The following KRT26 variants were observed in gnomAD, a reference collection of about 807,000 sequenced individuals.
KRT26 encodes keratin 26, also known as keratin, type I cytoskeletal 26.
KRT26 carries 45 observed loss-of-function variants against 46.1 expected under a neutral mutation model. The ratio of observed to expected loss-of-function variants is 0.98; its 90% CI spans 0.77 to 1.25. KRT26 has a LOEUF of 1.25. Among genes scored for constraint, KRT26 ranks in the 50% most tolerant of loss-of-function variants. KRT26 has a pLI of 0.00. For synonymous variants in KRT26, 191 were observed against 209.9 expected, an observed-to-expected ratio of 0.91 and a Z score of 0.78; for missense variants, 582 against 560.1, an observed-to-expected ratio of 1.04 and a Z score of -0.39.
Position 40,768,874 on chromosome 17 carries a change from T to A in KRT26, c.1187+5A>T. 6.9e-7 allele frequency: 1 copy of A among 1,447,422 alleles called. No homozygotes were observed. Among genetic ancestry groups the A allele is most frequent in the Non-Finnish European group, 9.5e-7 (1 of 1,047,638 alleles). 89.7% of individuals were successfully genotyped at this position (1,447,422 alleles called of 1,614,324 possible). A position where few individuals can be genotyped will look rare whatever the true frequency, so the allele number is the denominator to read the frequency against. On this transcript the variant is annotated splice_donor_5th_base_variant and intron_variant, in intron 6 of 7. Coordinates refer to ENST00000335552, the Ensembl canonical transcript of KRT26. ...TTTTTTTTTTTTTTGCAAGTTAATC[T>A]TTACCTTTCTTCTCCATCTAGTAAG...
intron 7 of KRT26, 29 bp from the exon 8 acceptor site, chr17:40,766,695 G>A (rs759951349): frequency 1.3e-6 from 2 of 1,548,814 alleles, no homozygotes. Context: ...AACATTAGTG[G>A]TCATTTTTTA....
chr17:40,767,708 T>C (rs747373604), intron 6 of KRT26, 55 bp from the exon 7 acceptor site: 1 of 864,118 alleles, frequency 1.2e-6, no homozygotes, highest in Non-Finnish European at 1.9e-6. Context: ...AGTGAGCTTA[T>C]AAATACCTCT....
exon 2 of KRT26, chr17:40,771,212 C>T (rs200028431): frequency 5.6e-6 from 9 of 1,606,026 alleles, no homozygotes; most frequent in Non-Finnish European, 7.7e-6. Flanking sequence ...ACAATGCTGG[C>T]ATTGCAGATG....
At chr17:40,766,886 C>G (rs1393964872) in intron 7 of KRT26, among the ~76,000 whole-genome samples, 2 of 151,990 alleles carry the variant, frequency 1.3e-5, no homozygotes, top group Non-Finnish European at 2.9e-5. Flanking sequence ...ATTACAGATG[C>G]CTGCTACAAT....
exon 4 of KRT26, chr17:40,770,090 C>G: frequency 6.2e-7 from 1 of 1,614,088 alleles, no homozygotes; most frequent in Non-Finnish European, 8.5e-7. Context: ...CGTTCACGTT[C>G]CCCCCAGCTG....
At chr17:40,769,728 T>G (rs1214733426) in intron 5 of KRT26, 26 bp downstream of exon 5, 1 of 1,612,922 alleles carries the variant, frequency 6.2e-7, no homozygotes, top group African/African-American at 1.3e-5. Flanking sequence ...ACACATATAT[T>G]CAATTCAATG....
rs761145554 is a variant in KRT26 at position 40,772,124 on chromosome 17, C to G, written c.-11G>C. ...AAGTCGAAAAGACATGGTGGCAGCA[C>G]AGCCGGGCAACCCCTTCCCAGAAAG... On this transcript the variant is annotated 5_prime_UTR_variant, in exon 1 of 8. Transcript: ENST00000335552. The G allele has an allele frequency of 1.9e-6, 3 of 1,611,698 alleles. No individual in the cohort carries two copies. The South Asian group carries it at 3.3e-5, about 18-fold the overall frequency.
Position 40,769,749 on chromosome 17 carries a change from C to A in KRT26, c.969+5G>T. On this transcript the variant is annotated splice_donor_5th_base_variant and intron_variant, in intron 5 of 7. Coordinates refer to ENST00000335552, the Ensembl canonical transcript of KRT26. ...ATATTCAATTCAATGGCGATTCCTA[C>A]GTACCACAGCCATGAGGGACTGAAG... is the stretch of plus-strand genomic sequence containing the variant. 6.2e-7 allele frequency: 1 copy of A among 1,614,120 alleles called. No homozygotes were observed. The highest frequency in any genetic ancestry group is 8.5e-7 in the Non-Finnish European group (1 of 1,179,988).
exon 8 of KRT26, chr17:40,766,549 G>A (rs1318079161): frequency 1.9e-6 from 3 of 1,613,258 alleles, no homozygotes; most frequent in Admixed American, 1.7e-5. Context: ...TTGCTCTACT[G>A]TAATGTTGCT....
At position 40,771,732 on chromosome 17, in the gene KRT26, G is replaced by A. The variant is rs140996904; in HGVS notation, c.382C>T (p.Arg128Trp). 180 of 1,613,978 alleles carry A rather than the reference G, an allele frequency of 1.1e-4. No homozygotes were observed. Among genetic ancestry groups the A allele is most frequent in the Non-Finnish European group, 1.5e-4 (178 of 1,180,022 alleles). The change falls in exon 1 of 8, where the codon CGG becomes TGG. Residue 128 changes from arginine to tryptophan, a missense_variant. By Grantham distance (101) the Arg-to-Trp change is moderately radical (BLOSUM62 -3). Transcript: ENST00000335552. ...CTGCTATAGTCATGATCGTGTTCCCGGGAAGAGCCAGGCTCACATTTCTCG... is the reference window on the plus strand; with the variant it reads ...CTGCTATAGTCATGATCGTGTTCCCAGGAAGAGCCAGGCTCACATTTCTCG...
chr17:40,770,575 A>C (rs986780538), intron 2 of KRT26, among the ~76,000 whole-genome samples, 166 bp from the exon 3 acceptor site: 1 of 152,188 alleles, frequency 6.6e-6, no homozygotes, highest in African/African-American at 2.4e-5. Context: ...CAATTCATGA[A>C]TTGTATTTTG....
chr17:40,770,314 A>G (rs751087215), exon 3 of KRT26: 3 of 1,614,136 alleles, frequency 1.9e-6, no homozygotes, highest in East Asian at 4.5e-5. Context: ...CTGTATCTCC[A>G]GGTCGGTTGT....
Position 40,770,406 on chromosome 17 carries a change from A to C in KRT26, c.528T>G (p.Tyr176Ter). The C allele has an allele frequency of 6.3e-7, 1 of 1,584,120 alleles. No individual in the cohort carries two copies. Among genetic ancestry groups the C allele is most frequent in the East Asian group, 2.2e-5 (1 of 44,608 alleles). Residue 176 changes from tyrosine to a stop codon, truncating the protein, a stop_gained, in exon 3 of 8, where the codon TAT becomes TAG. Transcript: ENST00000335552. LOFTEE classifies it high-confidence loss of function. ...TGTGGTGCAGAGCCAGCTCATTTTC[A>C]TACCTGAAAGATTAGTAAGGCACCT...
chr17:40,770,049 A>T (rs892384685), exon 4 of KRT26: 2 of 1,614,012 alleles, frequency 1.2e-6, no homozygotes, highest in Non-Finnish European at 1.7e-6. Flanking sequence ...CAGGACAGTT[A>T]GGTCCACTCC....
exon 8 of KRT26, chr17:40,766,493 T>C: frequency 6.5e-7 from 1 of 1,531,076 alleles, no homozygotes; most frequent in African/African-American, 1.4e-5. Context: ...TCTTTCTTTC[T>C]TTCCAAATAA....
chr17:40,771,474 A>G (rs1026982168), intron 1 of KRT26, among the ~76,000 whole-genome samples, 199 bp downstream of exon 1: 10 of 152,230 alleles, frequency 6.6e-5, no homozygotes, highest in South Asian at 6.2e-4. Context: ...CGAAGTGACT[A>G]TATCTGTTTT....
At chr17:40,769,536 C>T (rs1000824915) in intron 5 of KRT26, among the ~76,000 whole-genome samples, 1 of 152,090 alleles carries the variant, frequency 6.6e-6, no homozygotes, top group Non-Finnish European at 1.5e-5. Flanking sequence ...TGAAAATCAA[C>T]ATTTGCAAGA....
exon 3 of KRT26, chr17:40,770,390 G>C (rs763314757): frequency 6.3e-7 from 1 of 1,595,028 alleles, no homozygotes; most frequent in Non-Finnish European, 8.5e-7. Context: ...CTGTGGTGCA[G>C]AGCCAGCTCA....
chr17:40,766,363 GA>G, exon 8 of KRT26: 1 of 554,416 alleles, frequency 1.8e-6, no homozygotes, highest in African/African-American at 1.9e-5. Flanking sequence ...AGAAAAGGAA[GA>G]GAAGGAGAAC....
Sources: allele counts gnomAD v4.1 joint callset (sites outside exome capture counted in the v4.1 genomes callset), GRCh38; gene constraint gnomAD v4.1.1; transcripts MANE v1.5; gene names NCBI Gene and HGNC (gene_info 2026-07-23, HGNC 2026-07-21).